The following LEF1 variants were observed in gnomAD, a reference collection of about 807,000 sequenced individuals.
LEF1 encodes the protein lymphoid enhancer-binding factor 1.
A neutral mutation model predicts 51.2 loss-of-function variants in LEF1; 14 were observed. The ratio of observed to expected loss-of-function variants is 0.27; its 90% CI spans 0.18 to 0.43. LEF1 has a LOEUF of 0.43. Ranked by LOEUF, LEF1 falls within the 20% of genes least tolerant of loss-of-function variation. The probability of loss-of-function intolerance (pLI) is 1.00; values close to 1 mark genes in which losing one functional copy is unlikely to be tolerated. For missense variants in LEF1, 386 were observed against 512.0 expected (o/e 0.75, Z 2.37); for synonymous variants, 185 against 183.2 (o/e 1.01, Z -0.08).
At chr4:108,093,752 C>A (rs902755216) in intron 3 of LEF1, among the ~76,000 whole-genome samples, 2 of 151,652 alleles carry the variant, frequency 1.3e-5, no homozygotes, top group Non-Finnish European at 2.9e-5. Flanking sequence ...AGAGTAGATA[C>A]TTAAAAAAGA....
At chr4:108,069,530 G>C (rs1201546170) in intron 9 of LEF1, among the ~76,000 whole-genome samples, 1 of 152,136 alleles carries the variant, frequency 6.6e-6, no homozygotes, top group Non-Finnish European at 1.5e-5. Context: ...AGATGCTGGG[G>C]TACGATAACA....
At position 108,048,713 on chromosome 4, in the gene LEF1, C is replaced by T. The variant is rs1352445036; in HGVS notation, c.*45G>A. ...TCCAGAAGAGGTCCTGGGGTCGCTG[C>T]CTTGGCTTTGCACGTTGGGAATGAG... On this transcript the variant is annotated 3_prime_UTR_variant, in exon 12 of 12. Coordinates refer to ENST00000265165, the MANE Select transcript of LEF1 (RefSeq NM_016269.5). 1.2e-6 allele frequency: 2 copies of T among 1,609,970 alleles called. No homozygotes were observed. The highest frequency in any genetic ancestry group is 2.2e-5 in the South Asian group (2 of 90,336).
intron 9 of LEF1, among the ~76,000 whole-genome samples, chr4:108,065,821 G>T (rs1178603641): frequency 6.6e-6 from 1 of 152,108 alleles, no homozygotes; most frequent in Non-Finnish European, 1.5e-5. Context: ...ATGCAGGTTG[G>T]TCATTTACTA....
intron 3 of LEF1, among the ~76,000 whole-genome samples, chr4:108,095,444 T>C (rs963123295): frequency 3.9e-5 from 6 of 152,124 alleles, no homozygotes; most frequent in Non-Finnish European, 7.3e-5. Context: ...GTGCCGGCAT[T>C]TGTTTGATAC....
chr4:108,077,636 C>T (rs1471950292), intron 8 of LEF1, among the ~76,000 whole-genome samples: 1 of 139,114 alleles, frequency 7.2e-6, no homozygotes, highest in Non-Finnish European at 1.6e-5. Flanking sequence ...TGAGGGGCGC[C>T]TCTGCCCGGC....
At chr4:108,128,121 T>C (rs1742660037) in intron 3 of LEF1, among the ~76,000 whole-genome samples, 1 of 152,226 alleles carries the variant, frequency 6.6e-6, no homozygotes, top group Non-Finnish European at 1.5e-5. Context: ...TACCATTATG[T>C]ACCATTCTCA....
At position 108,048,462 on chromosome 4, in the gene LEF1, C is replaced by T. The variant is rs1736762901; in HGVS notation, c.*296G>A. ...GGAGAAAAGCTGCTCAGCTGCCCCA[C>T]AGCCTGCTAGCATTCTCATGTGCTT... On this transcript the variant is annotated 3_prime_UTR_variant, in exon 12 of 12. Transcript: ENST00000265165. 2.7e-6 allele frequency: 1 copy of T among 370,758 alleles called. No individual in the cohort carries two copies. 23.0% of individuals were successfully genotyped at this position (370,758 alleles called of 1,614,324 possible).
rs1578419916 is a variant in LEF1, at chr4:108,168,281, G to A, written c.-514C>T. 1 of 152,582 alleles carries A rather than the reference G, an allele frequency of 6.6e-6. No individual in the cohort carries two copies. Among genetic ancestry groups the A allele is most frequent in the East Asian group, 1.9e-4 (1 of 5,176 alleles). The allele number at this position is 152,582 out of a possible 1,614,324, so 9.5% of individuals were successfully genotyped here. On this transcript the variant is annotated 5_prime_UTR_variant, in exon 1 of 12. Transcript: ENST00000265165. The surrounding 1 kb of genome is among the most constrained non-coding windows in gnomAD (Gnocchi z 4.6). ...TAGTTTGTTTTCCGAGAAAAGAGAG[G>A]GGATCTGGGCAGAAGGGCCCCGTTT...
chr4:108,081,698 A>C (rs1739319864), intron 5 of LEF1, 29 bp from the exon 6 acceptor site: 1 of 1,576,548 alleles, frequency 6.3e-7, no homozygotes, highest in Non-Finnish European at 8.7e-7. Flanking sequence ...GGAACCCATC[A>C]ATGACAAAAC....
intron 3 of LEF1, among the ~76,000 whole-genome samples, chr4:108,097,221 A>T (rs1164242169): frequency 6.6e-6 from 1 of 152,208 alleles, no homozygotes; most frequent in Non-Finnish European, 1.5e-5. Context: ...GATAGAGAAA[A>T]TGTGGTATAT....
chr4:108,167,501 G>C lies in LEF1; in HGVS notation c.213+54C>G. The C allele has an allele frequency of 6.3e-7, 1 of 1,584,602 alleles. No homozygotes were observed. Among genetic ancestry groups the C allele is most frequent in the East Asian group, 2.2e-5 (1 of 44,700 alleles). On this transcript the variant is annotated intron_variant, in intron 1 of 11. Transcript: ENST00000265165. The surrounding 1 kb of genome is among the most constrained non-coding windows in gnomAD (Gnocchi z 5.7). ...GCCTTCGTTCCCTTCCTCCCTCTCT[G>C]AGTTTCCCAGGGACCCGCCACGCCT...
intron 11 of LEF1, among the ~76,000 whole-genome samples, chr4:108,058,802 C>G (rs1238519288): frequency 6.6e-6 from 1 of 152,174 alleles, no homozygotes; most frequent in South Asian, 2.1e-4. Context: ...ACACCCCCAC[C>G]GCCTAACAGG....
At chr4:108,058,421 A>G (rs548976248) in intron 11 of LEF1, among the ~76,000 whole-genome samples, 1 of 152,198 alleles carries the variant, frequency 6.6e-6, no homozygotes, top group Non-Finnish European at 1.5e-5. Flanking sequence ...CTTTAATTTC[A>G]TATAAATCTT....
intron 11 of LEF1, among the ~76,000 whole-genome samples, chr4:108,061,195 G>A (rs572634852): frequency 3.9e-5 from 6 of 152,188 alleles, no homozygotes; most frequent in Admixed American, 1.3e-4. Flanking sequence ...CACCAGCGGC[G>A]GGATGGCCTG....
intron 3 of LEF1, among the ~76,000 whole-genome samples, chr4:108,109,554 G>A (rs1380550614): frequency 2.0e-5 from 3 of 152,160 alleles, no homozygotes; most frequent in Non-Finnish European, 4.4e-5. Context: ...AGCAGGACAT[G>A]CATTAATATT....
intron 3 of LEF1, among the ~76,000 whole-genome samples, chr4:108,110,404 T>C (rs1019636937): frequency 6.6e-6 from 1 of 152,224 alleles, no homozygotes; most frequent in African/African-American, 2.4e-5. Context: ...CTAGTGAAAC[T>C]ACTGCTTGTC....
intron 3 of LEF1, among the ~76,000 whole-genome samples, chr4:108,094,166 C>T (rs1030181972): frequency 1.3e-5 from 2 of 152,198 alleles, no homozygotes; most frequent in Non-Finnish European, 2.9e-5. Flanking sequence ...TTGGGCCACA[C>T]CTGAGAGCAT....
intron 3 of LEF1, among the ~76,000 whole-genome samples, chr4:108,143,364 TTC>T (rs377184581): frequency 6.8e-4 from 104 of 152,316 alleles, no homozygotes; most frequent in African/African-American, 2.3e-3. Flanking sequence ...CTGTATATTT[TTC>T]TCTTGGAAAA....
chr4:108,160,593 A>G (rs1354516803), intron 3 of LEF1, among the ~76,000 whole-genome samples: 1 of 152,174 alleles, frequency 6.6e-6, no homozygotes, highest in African/African-American at 2.4e-5. Context: ...CACACCCCTA[A>G]GGATTCCAGT....
Sources: gnomAD v4.1 joint callset for allele counts (sites outside exome capture counted in the v4.1 genomes callset) on GRCh38, gnomAD v4.1.1 for gene constraint, Gnocchi (gnomAD v3.1) non-coding constraint, MANE v1.5 for transcripts, NCBI Gene and HGNC (gene_info 2026-07-23, HGNC 2026-07-21) for gene names.